Variants in ADAM12 observed in about 807,000 individuals in gnomAD.
The protein encoded by ADAM12 is disintegrin and metalloproteinase domain-containing protein 12.
Under a neutral mutation model 106.4 loss-of-function variants are expected in ADAM12, and 70 were observed. The ratio of observed to expected loss-of-function variants is 0.66; its 90% CI spans 0.54 to 0.80. The LOEUF (loss-of-function observed/expected upper bound fraction) is 0.80. Among genes scored for constraint, ADAM12 ranks in the 30% least tolerant of loss-of-function variants. The pLI is 0.00. For missense variants in ADAM12, 1,010 were observed against 1,171.9 expected, an observed-to-expected ratio of 0.86 and a Z score of 2.02; for synonymous variants, 420 against 433.5, an observed-to-expected ratio of 0.97 and a Z score of 0.39.
chr10:126,127,147 G>A (rs1189589733), intron 5 of ADAM12, among the ~76,000 whole-genome samples: 6 of 152,174 alleles, frequency 3.9e-5, no homozygotes, highest in African/African-American at 1.4e-4. Context: ...TCTCACAGGA[G>A]TTTACCCGGA....
intron 11 of ADAM12, among the ~76,000 whole-genome samples, chr10:126,088,321 G>A (rs1027179561): frequency 1.3e-5 from 2 of 152,070 alleles, no homozygotes; most frequent in African/African-American, 4.8e-5. Flanking sequence ...TCTGCCTGGT[G>A]GCCAGCTGCG....
intron 2 of ADAM12, among the ~76,000 whole-genome samples, chr10:126,284,846 A>G (rs905499633): frequency 6.6e-6 from 1 of 152,046 alleles, no homozygotes; most frequent in African/African-American, 2.4e-5. Context: ...GTTCACTTTG[A>G]TTTGTCCTCC....
At chr10:126,306,981 A>G (rs1019737258) in intron 2 of ADAM12, among the ~76,000 whole-genome samples, 1 of 152,140 alleles carries the variant, frequency 6.6e-6, no homozygotes, top group African/African-American at 2.4e-5. Context: ...CTTTCCTTAT[A>G]GGATTCCAGT....
At chr10:126,095,622 A>T (rs1955543880) in intron 10 of ADAM12, among the ~76,000 whole-genome samples, 1 of 150,486 alleles carries the variant, frequency 6.6e-6, no homozygotes, top group Non-Finnish European at 1.5e-5. Flanking sequence ...CTAATGGGTT[A>T]ATGCATTCAT....
chr10:126,094,161 T>G, intron 10 of ADAM12, 28 bp from the exon 11 acceptor site: 1 of 1,606,068 alleles, frequency 6.2e-7, no homozygotes, highest in Non-Finnish European at 8.5e-7. Context: ...AGTACAGGTG[T>G]ATAATTCATA....
intron 3 of ADAM12, among the ~76,000 whole-genome samples, chr10:126,251,318 C>T (rs1460486795): frequency 1.3e-5 from 2 of 152,214 alleles, no homozygotes; most frequent in African/African-American, 4.8e-5. Context: ...ATCAAAGAAA[C>T]CTGTCCAGAG....
rs80292350 is a variant in ADAM12, at chr10:126,065,457, C to T, written c.1414-456G>A. On this transcript the variant is annotated intron_variant, in intron 13 of 22. Transcript: ENST00000448723. ...AAAAATAACTTTAAGGTCACAATCA[C>T]GATAGCAATTTTAGTCAGTCGTCAA... Among the ~76,000 whole-genome samples, 499 of 152,242 alleles carry T rather than the reference C, an allele frequency of 3.3e-3. 3 individuals are homozygous for T. Among genetic ancestry groups the T allele is most frequent in the Non-Finnish European group, 5.0e-3 (337 of 68,020 alleles).
chr10:126,153,281 T>C (rs185208181), intron 4 of ADAM12, among the ~76,000 whole-genome samples: 2 of 152,354 alleles, frequency 1.3e-5, no homozygotes, highest in Admixed American at 1.3e-4. Context: ...GTTGGTTTAG[T>C]TGTCATTATT....
In ADAM12 at chr10:126,370,755, C is replaced by T. The variant is rs573806498; in HGVS notation, c.88+17303G>A. On this transcript the variant is annotated intron_variant, in intron 1 of 22. Transcript: ENST00000448723. ...GAGTTCCTGGACATCATAGGTCCTC[C>T]CTTGGCAGCCCAGTGGTTTAGCATG... 2.0e-3 allele frequency among the ~76,000 whole-genome samples: 308 copies of T among 152,270 alleles called. 5 individuals carry two copies. The highest frequency in any genetic ancestry group is 7.0e-3 in the African/African-American group (292 of 41,550).
rs1288127900 is a variant in ADAM12, at chr10:126,387,523, T to C, written c.88+535A>G. Among the ~76,000 whole-genome samples the C allele has an allele frequency of 2.0e-5, 3 of 152,012 alleles. No individual in the cohort carries two copies. In the East Asian group the frequency reaches 5.9e-4, roughly 30 times the overall value. On this transcript the variant is annotated intron_variant, in intron 1 of 22. Transcript: ENST00000448723. ...AGAAGTAGGTAAGAGAGTCAGTTTA[T>C]GAAAATAGAGCCTGCTGTGGAGAGC... is the stretch of plus-strand genomic sequence containing the variant.
At chr10:126,170,705 G>A (rs1168601318) in intron 3 of ADAM12, among the ~76,000 whole-genome samples, 1 of 152,150 alleles carries the variant, frequency 6.6e-6, no homozygotes, top group Non-Finnish European at 1.5e-5. Context: ...AATCCCATCT[G>A]AATTCTCGCT....
At chr10:126,376,696 C>A (rs911461703) in intron 1 of ADAM12, among the ~76,000 whole-genome samples, 1 of 152,266 alleles carries the variant, frequency 6.6e-6, no homozygotes, top group Non-Finnish European at 1.5e-5. Context: ...GATGTCAATT[C>A]TCCCCTAAAT....
chr10:126,346,695 T>G (rs1855153822), intron 1 of ADAM12, among the ~76,000 whole-genome samples: 1 of 152,210 alleles, frequency 6.6e-6, no homozygotes, highest in Admixed American at 6.5e-5. Flanking sequence ...GCTTTATGAA[T>G]CTGGGTGCTC....
intron 4 of ADAM12, among the ~76,000 whole-genome samples, chr10:126,138,806 T>A (rs1255927328): frequency 1.8e-5 from 2 of 109,310 alleles, no homozygotes; most frequent in African/African-American, 8.2e-5. Flanking sequence ...GTCATAAAGA[T>A]CTACACATAT....
intron 4 of ADAM12, among the ~76,000 whole-genome samples, chr10:126,136,284 A>G (rs774066755): frequency 5.3e-4 from 80 of 152,226 alleles, no homozygotes; most frequent in Non-Finnish European, 8.4e-4. Flanking sequence ...ACAAAAAGAA[A>G]CCACAGCACA....
intron 8 of ADAM12, among the ~76,000 whole-genome samples, chr10:126,108,129 C>T (rs143244205): frequency 2.6e-5 from 4 of 152,300 alleles, no homozygotes; most frequent in East Asian, 1.9e-4. Flanking sequence ...TGTTCCAGGA[C>T]AGTGAAGCCT....
At position 126,309,192 on chromosome 10, in the gene ADAM12, C is replaced by A. The variant is rs988279826; in HGVS notation, c.186+21220G>T. 4.6e-5 allele frequency among the ~76,000 whole-genome samples: 7 copies of A among 152,288 alleles called. No homozygotes were observed. The South Asian group carries it at 6.2e-4, about 14-fold the overall frequency. On this transcript the variant is annotated intron_variant, in intron 2 of 22. Transcript: ENST00000448723. ...TGAGGGCACATGACCTAAATGAGAT[C>A]TCAGAGACTCTATTTGAGGACTTCT...
Position 126,109,923 on chromosome 10 carries a change from T to C in ADAM12, c.604-83A>G, listed in dbSNP as rs138856040. 276 of 1,378,644 alleles carry C rather than the reference T, an allele frequency of 2.0e-4. 1 individual carries two copies. In the East Asian group the frequency reaches 5.3e-3, roughly 27 times the overall value. The allele number at this position is 1,378,644 out of a possible 1,614,324, so 85.4% of individuals were successfully genotyped here. On this transcript the variant is annotated intron_variant, in intron 6 of 22. Transcript: ENST00000448723. ...TCAATGTCTCTCAATCTAAACACTT[T>C]AGGTTGAGAATGTATATCCCCCATC...
At position 126,106,490 on chromosome 10, in the gene ADAM12, T is replaced by C. The variant is rs865940808; in HGVS notation, c.741+2103A>G. ...TCCCTTCTTTTTCTTCTTCTTCTTT[T>C]TTTTTTTTTTTTTTGAGATGGAGTC... On this transcript the variant is annotated intron_variant, in intron 8 of 22. Coordinates refer to ENST00000448723, the MANE Select transcript of ADAM12 (RefSeq NM_001288973.2). Among the ~76,000 whole-genome samples, 1,186 of 146,732 alleles carry C rather than the reference T, an allele frequency of 8.1e-3. 10 individuals are homozygous for C. The highest frequency in any genetic ancestry group is 0.028 in the African/African-American group (1,108 of 39,554).
Sources: allele counts gnomAD v4.1 joint callset (sites outside exome capture counted in the v4.1 genomes callset), GRCh38; gene constraint gnomAD v4.1.1; transcripts MANE v1.5; gene names NCBI Gene and HGNC (gene_info 2026-07-23, HGNC 2026-07-21).